Variants in SIL1 observed in about 807,000 individuals in gnomAD.
SIL1 encodes the protein nucleotide exchange factor SIL1.
SIL1 carries 40 observed loss-of-function variants against 49.1 expected under a neutral mutation model. The ratio of observed to expected loss-of-function variants is 0.81; its 90% CI spans 0.63 to 1.06. The LOEUF is 1.06. SIL1 is among the 50% of genes least tolerant of loss of function. The probability of loss-of-function intolerance (pLI) is 0.00; values close to 1 mark genes in which losing one functional copy is unlikely to be tolerated. For missense variants in SIL1, 500 were observed against 572.6 expected, an observed-to-expected ratio of 0.87 and a Z score of 1.29; for synonymous variants, 253 against 250.8, an observed-to-expected ratio of 1.01 and a Z score of -0.08.
chr5:139,064,921 G>A (rs940905094), intron 3 of SIL1, among the ~76,000 whole-genome samples: 9 of 152,192 alleles, frequency 5.9e-5, no homozygotes, highest in Non-Finnish European at 1.3e-4. Context: ...GAGATGCTCA[G>A]AGCTGACACC....
intron 1 of SIL1, among the ~76,000 whole-genome samples, chr5:139,155,929 T>C (rs1751400312): frequency 6.6e-6 from 1 of 151,896 alleles, no homozygotes; most frequent in South Asian, 2.1e-4. Context: ...GCCTCCCAGG[T>C]TCAAGCGATT....
intron 3 of SIL1, among the ~76,000 whole-genome samples, chr5:139,059,308 G>A (rs944132025): frequency 5.3e-5 from 8 of 152,084 alleles, no homozygotes; most frequent in Admixed American, 2.0e-4. Context: ...CCCTGCACAC[G>A]CTCTCTTTCC....
intron 2 of SIL1, 95 bp from the exon 3 acceptor site, chr5:139,121,268 G>T: frequency 6.5e-7 from 1 of 1,529,104 alleles, no homozygotes; most frequent in Non-Finnish European, 9.0e-7. Context: ...TTTCCTCCAT[G>T]CCCCTCTCCC....
intron 7 of SIL1, among the ~76,000 whole-genome samples, chr5:139,004,532 C>G (rs1275667884): frequency 1.3e-5 from 2 of 152,108 alleles, no homozygotes; most frequent in Non-Finnish European, 2.9e-5. Context: ...ATCTCTTAAC[C>G]TCTTTTTTCA....
At chr5:139,152,218 A>G (rs1319450158) in intron 1 of SIL1, among the ~76,000 whole-genome samples, 1 of 152,242 alleles carries the variant, frequency 6.6e-6, no homozygotes, top group Non-Finnish European at 1.5e-5. Flanking sequence ...TCCTATGCTC[A>G]GACAGTGATT....
Position 138,951,019 on chromosome 5 carries a change from C to G in SIL1, c.1029+152G>C, listed in dbSNP as rs1290758054. ...TCACATGACATACTCCCTGACGTCC[C>G]CAATCTCTTCCAACTGTCTGTCTGT... is the stretch of plus-strand genomic sequence containing the variant. On this transcript the variant is annotated intron_variant, in intron 9 of 9. Transcript: ENST00000394817. 1.0e-5 allele frequency: 9 copies of G among 900,078 alleles called. No homozygotes were observed. The East Asian group carries it at 2.4e-4, about 24-fold the overall frequency. 55.8% of individuals were successfully genotyped at this position (900,078 alleles called of 1,614,324 possible).
chr5:139,164,286 T>C (rs1014634042), intron 1 of SIL1, among the ~76,000 whole-genome samples: 6 of 152,044 alleles, frequency 3.9e-5, no homozygotes, highest in Non-Finnish European at 8.8e-5. Flanking sequence ...CCAGCTACTT[T>C]CTCTAATGAC....
At chr5:139,056,905 A>G (rs1769458912) in intron 3 of SIL1, among the ~76,000 whole-genome samples, 2 of 151,472 alleles carry the variant, frequency 1.3e-5, no homozygotes, top group African/African-American at 4.9e-5. Flanking sequence ...AGATTGAGAA[A>G]TCGGATGGTT....
At chr5:139,115,147 G>A (rs75103950) in intron 3 of SIL1, among the ~76,000 whole-genome samples, 2,023 of 152,180 alleles carry the variant, frequency 0.013, 38 homozygotes, top group African/African-American at 0.04. Context: ...GGGAGGGAGG[G>A]AGGGTCACCT....
chr5:138,980,738 G>T (rs925247385), intron 7 of SIL1, among the ~76,000 whole-genome samples: 6 of 152,202 alleles, frequency 3.9e-5, no homozygotes, highest in Non-Finnish European at 5.9e-5. Context: ...AGAAAGGGTG[G>T]TATCTATTTT....
chr5:139,150,268 T>G (rs989877744), intron 1 of SIL1, among the ~76,000 whole-genome samples: 2 of 152,192 alleles, frequency 1.3e-5, no homozygotes, highest in Non-Finnish European at 2.9e-5. Context: ...TCCTCTTGTA[T>G]GTTCCACACT....
intron 7 of SIL1, among the ~76,000 whole-genome samples, chr5:138,959,344 T>C (rs1424304112): frequency 2.0e-5 from 3 of 152,250 alleles, no homozygotes; most frequent in Admixed American, 6.5e-5. Context: ...TTATCCAGTA[T>C]AGCATCTCTG....
intron 7 of SIL1, among the ~76,000 whole-genome samples, chr5:139,020,734 C>T (rs1337266434): frequency 1.3e-5 from 2 of 152,194 alleles, no homozygotes; most frequent in African/African-American, 2.4e-5. Flanking sequence ...GATAATCTGA[C>T]GGCATGTACA....
At chr5:138,950,542 G>T (rs1290038501) in intron 9 of SIL1, among the ~76,000 whole-genome samples, 1 of 152,206 alleles carries the variant, frequency 6.6e-6, no homozygotes, top group African/African-American at 2.4e-5. Context: ...TCTGGGGAGC[G>T]TGTGGCCCGA....
At chr5:139,004,639 G>A (rs969761399) in intron 7 of SIL1, among the ~76,000 whole-genome samples, 1 of 151,932 alleles carries the variant, frequency 6.6e-6, no homozygotes. Context: ...TATTTACCTT[G>A]TCTACTGAAT....
chr5:139,133,794 C>T (rs2151798539), intron 1 of SIL1, among the ~76,000 whole-genome samples: 1 of 152,284 alleles, frequency 6.6e-6, no homozygotes, highest in East Asian at 1.9e-4. Flanking sequence ...TCCTGAATCT[C>T]CTGGGAAAAG....
intron 7 of SIL1, among the ~76,000 whole-genome samples, chr5:139,004,846 A>T (rs541429626): frequency 1.3e-5 from 2 of 152,362 alleles, no homozygotes; most frequent in East Asian, 3.9e-4. Flanking sequence ...AAGTGACATA[A>T]GCCAGGCACA....
chr5:139,026,006 C>A (rs559504410), intron 6 of SIL1, among the ~76,000 whole-genome samples: 3 of 152,216 alleles, frequency 2.0e-5, no homozygotes, highest in Admixed American at 2.0e-4. Context: ...CTGCTCTAGT[C>A]CCCCCTCTTC....
intron 5 of SIL1, among the ~76,000 whole-genome samples, chr5:139,038,565 G>A (rs768174553): frequency 1.8e-4 from 28 of 152,168 alleles, no homozygotes; most frequent in Non-Finnish European, 3.5e-4. Flanking sequence ...GTCACTGAAC[G>A]GGTATGTCTA....
Sources: allele counts gnomAD v4.1 joint callset (sites outside exome capture counted in the v4.1 genomes callset), GRCh38; gene constraint gnomAD v4.1.1; transcripts MANE v1.5; gene names NCBI Gene and HGNC (gene_info 2026-07-23, HGNC 2026-07-21).